Variants in CSMD1 observed in about 807,000 individuals in gnomAD.
CSMD1 encodes the protein CUB and sushi domain-containing protein 1.
A neutral mutation model predicts 417.5 loss-of-function variants in CSMD1; 213 were observed. The ratio of observed to expected loss-of-function variants is 0.51; its 90% confidence interval spans 0.46 to 0.57. The LOEUF is 0.57. CSMD1 is among the 20% of genes least tolerant of loss of function. CSMD1 has a pLI of 0.00. For missense variants in CSMD1, 6,923 were observed against 4,529.7 expected, an observed-to-expected ratio of 1.53 and a Z score of -15.17; for synonymous variants, 2,862 against 1,736.8, an observed-to-expected ratio of 1.65 and a Z score of -16.11.
At chr8:4,829,190 A>G (rs935775437) in intron 1 of CSMD1, among the ~76,000 whole-genome samples, 4 of 152,276 alleles carry the variant, frequency 2.6e-5, no homozygotes, top group East Asian at 1.9e-4. Context: ...TCTCCTTTCA[A>G]TCTTCTAATA....
At chr8:4,502,681 T>C (rs1219198648) in intron 2 of CSMD1, among the ~76,000 whole-genome samples, 2 of 152,184 alleles carry the variant, frequency 1.3e-5, no homozygotes, top group Non-Finnish European at 2.9e-5. Context: ...TTGAGTTTTC[T>C]TTTCTCTTTG....
intron 1 of CSMD1, among the ~76,000 whole-genome samples, chr8:4,922,413 T>C (rs1384127481): frequency 2.0e-5 from 3 of 152,198 alleles, no homozygotes; most frequent in Non-Finnish European, 4.4e-5. Flanking sequence ...TGAGAAAAAT[T>C]AGAAATTAAA....
At chr8:3,276,805 T>G in intron 26 of CSMD1, among the ~76,000 whole-genome samples, 1 of 152,152 alleles carries the variant, frequency 6.6e-6, no homozygotes, top group South Asian at 2.1e-4. Flanking sequence ...TTTATGCACG[T>G]GGAAAATTTT....
intron 3 of CSMD1, among the ~76,000 whole-genome samples, chr8:4,060,355 C>G (rs1199797978): frequency 1.3e-5 from 2 of 152,158 alleles, no homozygotes; most frequent in Non-Finnish European, 2.9e-5. Context: ...TGGGCCAAAA[C>G]TGGAAGCATT....
In CSMD1 at chr8:4,294,153, G is replaced by C. The variant is rs576748680; in HGVS notation, c.415+125800C>G. On this transcript the variant is annotated intron_variant, in intron 3 of 69. Coordinates refer to ENST00000635120, the MANE Select transcript of CSMD1 (RefSeq NM_033225.6). ...ACTGACGTCTGATTAACCCCGACCA[G>C]CAGCCACTGTAAGATGCCATCAGCA... 2.6e-5 allele frequency among the ~76,000 whole-genome samples: 4 copies of C among 152,252 alleles called. No homozygotes were observed. The South Asian group carries it at 8.3e-4, about 32-fold the overall frequency.
At chr8:3,869,557 G>C (rs561491961) in intron 5 of CSMD1, among the ~76,000 whole-genome samples, 129 of 152,228 alleles carry the variant, frequency 8.5e-4, no homozygotes, top group African/African-American at 3.0e-3. Flanking sequence ...GCCTGACTTG[G>C]TTCACAGGTA....
intron 11 of CSMD1, among the ~76,000 whole-genome samples, chr8:3,474,825 T>G (rs1230351846): frequency 6.6e-6 from 1 of 152,208 alleles, no homozygotes; most frequent in Non-Finnish European, 1.5e-5. Context: ...CCAAGTTGAC[T>G]CTATAGTACA....
chr8:3,469,644 A>G (rs1430173052), intron 11 of CSMD1, among the ~76,000 whole-genome samples: 3 of 152,226 alleles, frequency 2.0e-5, no homozygotes, highest in Non-Finnish European at 2.9e-5. Flanking sequence ...CCCTAATCAA[A>G]TAGGAAGCTT....
chr8:3,309,706 A>G (rs1805179044), intron 23 of CSMD1, among the ~76,000 whole-genome samples: 1 of 151,994 alleles, frequency 6.6e-6, no homozygotes, highest in African/African-American at 2.4e-5. Context: ...CTTTTCTCAA[A>G]AAGAAATTAA....
At chr8:4,501,317 T>C (rs943277559) in intron 2 of CSMD1, among the ~76,000 whole-genome samples, 1 of 152,158 alleles carries the variant, frequency 6.6e-6, no homozygotes, top group Non-Finnish European at 1.5e-5. Flanking sequence ...TGTTTTGTCT[T>C]AATGTAAGAT....
At chr8:3,343,562 A>G in intron 22 of CSMD1, 112 bp from the exon 23 acceptor site, 9 of 883,318 alleles carry the variant, frequency 1.0e-5, no homozygotes, top group Non-Finnish European at 1.5e-5. Context: ...AATACTTAAA[A>G]AGGCATATAG....
chr8:4,527,798 A>C (rs1043283323), intron 2 of CSMD1, among the ~76,000 whole-genome samples: 3 of 152,204 alleles, frequency 2.0e-5, no homozygotes, highest in African/African-American at 2.4e-5. Context: ...TGAATCCTGG[A>C]AAGTCTAATG....
intron 10 of CSMD1, among the ~76,000 whole-genome samples, chr8:3,552,287 G>A (rs1419622534): frequency 3.3e-5 from 5 of 151,766 alleles, no homozygotes; most frequent in Non-Finnish European, 7.4e-5. Context: ...ATCTAAATAT[G>A]CATCATCCAC....
At chr8:3,945,840 A>G (rs117097452) in intron 5 of CSMD1, among the ~76,000 whole-genome samples, 2 of 152,122 alleles carry the variant, frequency 1.3e-5, no homozygotes, top group Non-Finnish European at 2.9e-5. Flanking sequence ...TAAAAGGTAA[A>G]TATTGATTGT....
intron 30 of CSMD1, among the ~76,000 whole-genome samples, chr8:3,212,789 G>C (rs1441989301): frequency 6.7e-6 from 1 of 148,188 alleles, no homozygotes; most frequent in East Asian, 2.0e-4. Flanking sequence ...AGTAGGTTTT[G>C]TTTTATTTTG....
At chr8:3,094,437 C>T (rs1187144183) in intron 47 of CSMD1, among the ~76,000 whole-genome samples, 5 of 152,092 alleles carry the variant, frequency 3.3e-5, no homozygotes, top group Non-Finnish European at 5.9e-5. Context: ...GCATCTGAAC[C>T]CTCATAATGT....
intron 6 of CSMD1, among the ~76,000 whole-genome samples, chr8:3,725,185 G>T (rs941025932): frequency 3.3e-5 from 5 of 152,118 alleles, no homozygotes; most frequent in African/African-American, 1.2e-4. Context: ...AAGGCAAGGA[G>T]GTAGGTTCAA....
Position 4,795,407 on chromosome 8 carries a change from G to A in CSMD1, c.86-157849C>T, listed in dbSNP as rs1232746836. 4.0e-5 allele frequency among the ~76,000 whole-genome samples: 6 copies of A among 151,462 alleles called. No individual in the cohort carries two copies. In the East Asian group the frequency reaches 7.9e-4, roughly 20 times the overall value. ...CTGCCTCAGCCTTCCGAGTAGCTGG[G>A]ATTACAGGTACCCAGCACCACGCCA... On this transcript the variant is annotated intron_variant, in intron 1 of 69. Coordinates refer to ENST00000635120, the MANE Select transcript of CSMD1 (RefSeq NM_033225.6).
intron 1 of CSMD1, among the ~76,000 whole-genome samples, chr8:4,846,402 C>G (rs1334055338): frequency 6.6e-6 from 1 of 152,184 alleles, no homozygotes; most frequent in Non-Finnish European, 1.5e-5. Context: ...AAAGCCATCA[C>G]TAACTCAGCC....
Sources: allele counts gnomAD v4.1 joint callset (sites outside exome capture counted in the v4.1 genomes callset), GRCh38; gene constraint gnomAD v4.1.1; transcripts MANE v1.5; gene names NCBI Gene and HGNC (gene_info 2026-07-23, HGNC 2026-07-21).